Variants in OR9Q1 observed in about 807,000 individuals in gnomAD.
The protein encoded by OR9Q1 is olfactory receptor family 9 subfamily Q member 1.
For synonymous variants in OR9Q1, 153 were observed against 148.6 expected (o/e 1.03, Z -0.22); for missense variants, 374 against 378.8 (o/e 0.99, Z 0.11).
At chr11:58,122,568 G>A (rs1854044859) in intron 2 of OR9Q1, among the ~76,000 whole-genome samples, 1 of 152,188 alleles carries the variant, frequency 6.6e-6, no homozygotes, top group Admixed American at 6.5e-5. Context: ...ATAAAGCAAT[G>A]CAGGCACTAT....
intron 2 of OR9Q1, among the ~76,000 whole-genome samples, chr11:58,070,174 G>A (rs1265216534): frequency 6.9e-6 from 1 of 145,552 alleles, no homozygotes; most frequent in Non-Finnish European, 1.5e-5. Flanking sequence ...CATAATTTTT[G>A]TATTTTTTTT....
At chr11:58,150,595 T>C (rs566178141) in intron 2 of OR9Q1, among the ~76,000 whole-genome samples, 13 of 152,298 alleles carry the variant, frequency 8.5e-5, no homozygotes, top group African/African-American at 3.1e-4. Flanking sequence ...CACCTGTGGA[T>C]ATTGTAAACA....
At chr11:58,033,318 A>G (rs188909480) in intron 1 of OR9Q1, among the ~76,000 whole-genome samples, 1 of 152,328 alleles carries the variant, frequency 6.6e-6, no homozygotes, top group East Asian at 1.9e-4. Context: ...GTTCATCATG[A>G]CACTATTTGC....
chr11:58,031,708 G>A (rs764133566), intron 1 of OR9Q1: 1 of 1,614,028 alleles, frequency 6.2e-7, no homozygotes, highest in East Asian at 2.2e-5. Context: ...TGACTGTGGT[G>A]AGCCTCTTCT....
rs530281199 is a variant in OR9Q1 at position 58,046,804 on chromosome 11, A to C, written c.-92-9066A>C. On this transcript the variant is annotated intron_variant, in intron 1 of 2. Coordinates refer to ENST00000335397, the MANE Select transcript of OR9Q1 (RefSeq NM_001005212.4). ...CTTGAACCTGGGAGGCAGAGGTTGC[A>C]GTGAGCTGAGATCACGCCATTGCAT... 2.0e-5 allele frequency among the ~76,000 whole-genome samples: 3 copies of C among 152,230 alleles called. No homozygotes were observed. The South Asian group carries it at 6.2e-4, about 32-fold the overall frequency.
chr11:58,102,887 C>T (rs1035002731), intron 2 of OR9Q1, among the ~76,000 whole-genome samples: 2 of 152,064 alleles, frequency 1.3e-5, no homozygotes, highest in Non-Finnish European at 2.9e-5. Flanking sequence ...TCTTTAGCAT[C>T]CATAGCATGT....
intron 2 of OR9Q1, among the ~76,000 whole-genome samples, chr11:58,141,487 T>C (rs1854248424): frequency 6.6e-6 from 1 of 152,220 alleles, no homozygotes; most frequent in African/African-American, 2.4e-5. Context: ...CATATGGTTT[T>C]TGTCATTGGT....
rs558712869 is a variant in OR9Q1, at chr11:58,166,524, A to T, written c.-14-12907A>T. ...CTCTTCTTATTAAAGGCTGCAGATT[A>T]TTCACTTATTTCCCTAATTTTTTCC... On this transcript the variant is annotated intron_variant, in intron 2 of 2. Coordinates refer to ENST00000335397, the MANE Select transcript of OR9Q1 (RefSeq NM_001005212.4). Among the ~76,000 whole-genome samples, 3 of 152,294 alleles carry T rather than the reference A, an allele frequency of 2.0e-5. No homozygotes were observed. The South Asian group carries it at 6.2e-4, about 32-fold the overall frequency.
chr11:58,162,511 CT>C (rs1224679430), intron 2 of OR9Q1, among the ~76,000 whole-genome samples: 1 of 152,192 alleles, frequency 6.6e-6, no homozygotes, highest in Admixed American at 6.5e-5. Flanking sequence ...CTTTCTGGGT[CT>C]TTGGAAAAGG....
intron 2 of OR9Q1, among the ~76,000 whole-genome samples, chr11:58,128,498 A>G (rs1469721262): frequency 1.3e-5 from 2 of 152,170 alleles, no homozygotes; most frequent in Non-Finnish European, 2.9e-5. Context: ...TAATGAAATG[A>G]CTGGTTACGT....
intron 2 of OR9Q1, among the ~76,000 whole-genome samples, chr11:58,170,253 CCTT>C (rs1242296828): frequency 6.6e-5 from 10 of 152,100 alleles, no homozygotes; most frequent in East Asian, 1.9e-4. Flanking sequence ...GACATTGACT[CCTT>C]CTTAAGGATC....
chr11:58,149,601 C>A (rs1310454857), intron 2 of OR9Q1, among the ~76,000 whole-genome samples: 1 of 152,142 alleles, frequency 6.6e-6, no homozygotes, highest in Non-Finnish European at 1.5e-5. Context: ...AAACTCTGTA[C>A]CCATTAACTC....
rs376646990 is a variant in OR9Q1, at chr11:58,167,407, CATT to C, written c.-14-12020_-14-12018del. Among the ~76,000 whole-genome samples, 818 of 152,132 alleles carry C rather than the reference CATT, an allele frequency of 5.4e-3. 2 individuals are homozygous for C. Among genetic ancestry groups the C allele is most frequent in the Non-Finnish European group, 6.8e-3 (464 of 67,982 alleles). On this transcript the variant is annotated intron_variant, in intron 2 of 2. Coordinates refer to ENST00000335397, the MANE Select transcript of OR9Q1 (RefSeq NM_001005212.4). Reference sequence around the variant, plus strand: ...TGGTATCTGATAGGGCAAAATATCTCATTATTCTTTTTCAAAAATTTCTTTACT... The same window carrying C: ...TGGTATCTGATAGGGCAAAATATCTCATTCTTTTTCAAAAATTTCTTTACT...
chr11:58,025,184 T>C (rs1217628123), intron 1 of OR9Q1, among the ~76,000 whole-genome samples: 1 of 152,182 alleles, frequency 6.6e-6, no homozygotes, highest in Non-Finnish European at 1.5e-5. Context: ...TAAATGACCC[T>C]TTCTTTTTGA....
intron 2 of OR9Q1, among the ~76,000 whole-genome samples, chr11:58,061,823 G>A (rs1037926391): frequency 2.6e-5 from 4 of 152,200 alleles, no homozygotes; most frequent in African/African-American, 9.7e-5. Context: ...AAGCATTGAG[G>A]TGCCAGCGGT....
chr11:58,139,299 ATAC>A (rs1854220106), intron 2 of OR9Q1, among the ~76,000 whole-genome samples: 2 of 140,354 alleles, frequency 1.4e-5, no homozygotes, highest in African/African-American at 2.7e-5. Context: ...TTTTTTTATT[ATAC>A]TTTAAGTTTT....
chr11:58,178,706 A>G (rs931235030), intron 2 of OR9Q1, among the ~76,000 whole-genome samples: 3 of 151,816 alleles, frequency 2.0e-5, no homozygotes, highest in Non-Finnish European at 4.4e-5. Context: ...GAGCTCACAC[A>G]GCTACTTAGC....
At chr11:58,036,816 ATGGG>A (rs1853104769) in intron 1 of OR9Q1, among the ~76,000 whole-genome samples, 1 of 152,228 alleles carries the variant, frequency 6.6e-6, no homozygotes, top group Admixed American at 6.5e-5. Context: ...GTTGCTTCTT[ATGGG>A]TGAGCAAAGA....
chr11:58,143,022 ACTGT>A (rs1854265468), intron 2 of OR9Q1, among the ~76,000 whole-genome samples: 1 of 152,188 alleles, frequency 6.6e-6, no homozygotes, highest in Non-Finnish European at 1.5e-5. Context: ...TTTATGGCTC[ACTGT>A]CTGGCATACA....
Sources: allele counts gnomAD v4.1 joint callset (sites outside exome capture counted in the v4.1 genomes callset), GRCh38; gene constraint gnomAD v4.1.1; transcripts MANE v1.5; gene names NCBI Gene and HGNC (gene_info 2026-07-23, HGNC 2026-07-21).